Variants in RBFOX1 observed in about 807,000 individuals in gnomAD.
The protein encoded by RBFOX1 is RNA binding fox-1 homolog 1, also known as RNA binding protein fox-1 homolog 1.
RBFOX1 carries 8 observed loss-of-function variants against 57.7 expected under a neutral mutation model. That is an observed-to-expected ratio of 0.14 (90% CI 0.08 to 0.25). The LOEUF (loss-of-function observed/expected upper bound fraction) is 0.25. Ranked by LOEUF, RBFOX1 falls within the 10% of genes least tolerant of loss-of-function variation. RBFOX1 has a pLI of 1.00. For missense variants in RBFOX1, 611 were observed against 548.5 expected (o/e 1.11, Z -1.14); for synonymous variants, 326 against 222.4 (o/e 1.47, Z -4.15).
At chr16:5,261,415 T>C (rs2062728314) in intron 1 of RBFOX1, among the ~76,000 whole-genome samples, 1 of 152,192 alleles carries the variant, frequency 6.6e-6, no homozygotes, top group Non-Finnish European at 1.5e-5. Flanking sequence ...TTCTCTAAGT[T>C]CTTGAACATG....
chr16:7,505,907 C>G (rs1345933890), intron 4 of RBFOX1, among the ~76,000 whole-genome samples: 1 of 152,056 alleles, frequency 6.6e-6, no homozygotes, highest in Non-Finnish European at 1.5e-5. Context: ...ATTTTCTGGC[C>G]AGGTGCAGTG....
chr16:7,475,393 C>T (rs1265300724), intron 4 of RBFOX1, among the ~76,000 whole-genome samples: 2 of 150,980 alleles, frequency 1.3e-5, no homozygotes, highest in African/African-American at 4.9e-5. Flanking sequence ...CGGCTCACTG[C>T]AACTTCTGCC....
At chr16:6,321,543 C>G (rs1371684863) in intron 2 of RBFOX1, among the ~76,000 whole-genome samples, 1 of 152,208 alleles carries the variant, frequency 6.6e-6, no homozygotes. Context: ...AATGCCACAG[C>G]ATTCATCTAT....
At chr16:6,978,487 G>C (rs1492385) in intron 3 of RBFOX1, among the ~76,000 whole-genome samples, 9,238 of 152,202 alleles carry the variant, frequency 0.061, 932 homozygotes, top group African/African-American at 0.21. Flanking sequence ...CAGGTAGGTT[G>C]TATTATTATC....
At chr16:7,267,810 T>C (rs2095208038) in intron 4 of RBFOX1, among the ~76,000 whole-genome samples, 1 of 152,152 alleles carries the variant, frequency 6.6e-6, no homozygotes, top group East Asian at 1.9e-4. Context: ...GACCTGAGAT[T>C]GTGCCACTGC....
intron 4 of RBFOX1, among the ~76,000 whole-genome samples, chr16:7,189,922 A>G (rs17737962): frequency 0.17 from 25,141 of 152,270 alleles, 2,230 homozygotes; most frequent in East Asian, 0.38. Context: ...CCTAATTGAA[A>G]TAGAAGAGCT....
chr16:6,458,802 C>G (rs981651799), intron 2 of RBFOX1, among the ~76,000 whole-genome samples: 4 of 152,182 alleles, frequency 2.6e-5, no homozygotes, highest in African/African-American at 9.6e-5. Context: ...ATGTGGATTT[C>G]TAGGACAAAC....
intron 1 of RBFOX1, among the ~76,000 whole-genome samples, chr16:5,462,721 C>G (rs760465793): frequency 6.6e-6 from 1 of 152,124 alleles, no homozygotes; most frequent in African/African-American, 2.4e-5. Flanking sequence ...GAATTGGTGT[C>G]TCCACACTAA....
chr16:7,198,983 C>T (rs913806678), intron 4 of RBFOX1, among the ~76,000 whole-genome samples: 20 of 152,102 alleles, frequency 1.3e-4, no homozygotes, highest in Admixed American at 1.2e-3. Flanking sequence ...AAATGGTGTC[C>T]ATCTGGGAAA....
At chr16:6,996,426 T>C (rs1383468490) in intron 3 of RBFOX1, among the ~76,000 whole-genome samples, 9 of 152,206 alleles carry the variant, frequency 5.9e-5, no homozygotes. Flanking sequence ...GATACACATC[T>C]AGATGTGTTT....
At chr16:5,374,288 G>C (rs1484690116) in intron 1 of RBFOX1, among the ~76,000 whole-genome samples, 2 of 152,182 alleles carry the variant, frequency 1.3e-5, no homozygotes, top group Non-Finnish European at 2.9e-5. Flanking sequence ...ACTAATAAAA[G>C]TGCTGTATGT....
intron 3 of RBFOX1, among the ~76,000 whole-genome samples, chr16:5,774,118 G>C (rs149181448): frequency 3.3e-5 from 5 of 152,112 alleles, no homozygotes; most frequent in Admixed American, 6.5e-5. Flanking sequence ...GCCCTTTCAC[G>C]TGCATCATGA....
intron 3 of RBFOX1, among the ~76,000 whole-genome samples, chr16:5,657,636 CTT>C (rs1173756804): frequency 1.5e-5 from 1 of 67,202 alleles, no homozygotes; most frequent in African/African-American, 6.4e-5. Flanking sequence ...TTCTTTCTTT[CTT>C]TCTTTCTTTC....
intron 4 of RBFOX1, among the ~76,000 whole-genome samples, chr16:7,176,347 C>G (rs12934110): frequency 0.26 from 40,147 of 151,684 alleles, 5,582 homozygotes; most frequent in Non-Finnish European, 0.31. Context: ...ATCTTTGGCA[C>G]TGGGAAGAAT....
chr16:6,573,883 C>A (rs1396328233), intron 2 of RBFOX1: 1 of 152,190 alleles, frequency 6.6e-6, no homozygotes, highest in Admixed American at 6.5e-5. Context: ...CCAGCCTGGA[C>A]GTGATAGGTG....
intron 2 of RBFOX1, among the ~76,000 whole-genome samples, chr16:6,547,972 A>G (rs577474956): frequency 5.9e-5 from 9 of 152,314 alleles, no homozygotes; most frequent in Non-Finnish European, 1.0e-4. Flanking sequence ...ACCTATGACA[A>G]TGGATGTACA....
intron 2 of RBFOX1, among the ~76,000 whole-genome samples, chr16:6,562,065 C>T (rs1405381808): frequency 1.3e-5 from 2 of 152,142 alleles, no homozygotes; most frequent in Non-Finnish European, 2.9e-5. Flanking sequence ...TACTCATTTC[C>T]ATCATTACTG....
intron 3 of RBFOX1, among the ~76,000 whole-genome samples, chr16:7,000,838 GT>G (rs2092726169): frequency 6.6e-6 from 1 of 151,982 alleles, no homozygotes. Flanking sequence ...TCCTGACCTT[GT>G]GATCCGCCCG....
At chr16:7,500,631 G>C (rs2070442361) in intron 4 of RBFOX1, among the ~76,000 whole-genome samples, 1 of 152,094 alleles carries the variant, frequency 6.6e-6, no homozygotes, top group Non-Finnish European at 1.5e-5. Flanking sequence ...GATATGATTT[G>C]GGCATTTCAC....
Sources: allele counts gnomAD v4.1 joint callset (sites outside exome capture counted in the v4.1 genomes callset), GRCh38; gene constraint gnomAD v4.1.1; transcripts MANE v1.5; gene names NCBI Gene and HGNC (gene_info 2026-07-23, HGNC 2026-07-21).